Variants in SUSD4 observed in about 807,000 individuals in gnomAD.
SUSD4 encodes the protein sushi domain-containing protein 4.
Under a neutral mutation model 50.5 loss-of-function variants are expected in SUSD4, and 41 were observed. The observed-to-expected ratio is 0.81, with a 90% CI of 0.63 to 1.05. The LOEUF is 1.05. SUSD4 is among the 50% of genes least tolerant of loss of function. The probability of loss-of-function intolerance (pLI) is 0.00; values close to 1 mark genes in which losing one functional copy is unlikely to be tolerated. For synonymous variants in SUSD4, 257 were observed against 257.3 expected, an observed-to-expected ratio of 1.00 and a Z score of 0.01; for missense variants, 580 against 634.7, an observed-to-expected ratio of 0.91 and a Z score of 0.93.
At chr1:223,351,339 A>C (rs1370557619) in intron 2 of SUSD4, among the ~76,000 whole-genome samples, 1 of 152,254 alleles carries the variant, frequency 6.6e-6, no homozygotes, top group African/African-American at 2.4e-5. Flanking sequence ...AAGTGGGAGC[A>C]GGTTTGTCCA....
At chr1:223,286,622 T>C (rs1664158694) in intron 3 of SUSD4, among the ~76,000 whole-genome samples, 1 of 152,172 alleles carries the variant, frequency 6.6e-6, no homozygotes, top group African/African-American at 2.4e-5. Context: ...ACAGAGGCAA[T>C]GGGTTCCACC....
At chr1:223,257,614 C>T (rs1271205258) in intron 5 of SUSD4, among the ~76,000 whole-genome samples, 1 of 152,226 alleles carries the variant, frequency 6.6e-6, no homozygotes, top group Admixed American at 6.5e-5. Flanking sequence ...ATTCTATGAC[C>T]AGTAATTCAA....
In SUSD4 at chr1:223,264,769, C is replaced by G; in HGVS notation, c.585G>C (p.Glu195Asp). The G allele has an allele frequency of 6.2e-7, 1 of 1,614,134 alleles. No homozygotes were observed. Among genetic ancestry groups the G allele is most frequent in the Non-Finnish European group, 8.5e-7 (1 of 1,180,020 alleles). The stretch of plus-strand genomic sequence containing the variant: ...TCCCCACCGGGAAGGAGGTCTGGAG[C>G]TCAGAGATGTTTACATAGCCATTAG... ...ASSNGYVNIS[E>D]LQTSFPVGTV... Residue 195 changes from glutamate to aspartate, a missense_variant, in exon 5 of 9, where the codon GAG becomes GAC. Glu to Asp is a conservative substitution (Grantham distance 45, BLOSUM62 2). Transcript: ENST00000366878.
Position 223,223,276 on chromosome 1 carries a change from T to C in SUSD4, c.1417A>G (p.Thr473Ala). Residue 473 changes from threonine (T) to alanine (A), a missense_variant, in exon 8 of 9, where the codon ACC becomes GCC. Physicochemically the swap from Thr to Ala is moderately conservative, Grantham distance 58. Coordinates refer to ENST00000366878, the MANE Select transcript of SUSD4 (RefSeq NM_017982.4). ...IASTAEEVASTSPGIDIADEI... is the reference protein window; with the variant it reads ...IASTAEEVASASPGIDIADEI... ...TCTGCAATGTCGATGCCTGGGCTGG[T>C]GGATGCCACCTCCTCTGCCGTGCTG... The C allele has an allele frequency of 6.4e-7, 1 of 1,557,326 alleles. No individual in the cohort carries two copies. The highest frequency in any genetic ancestry group is 8.7e-7 in the Non-Finnish European group (1 of 1,154,608).
intron 5 of SUSD4, among the ~76,000 whole-genome samples, chr1:223,259,406 TG>T (rs1661938487): frequency 6.6e-6 from 1 of 152,180 alleles, no homozygotes; most frequent in Non-Finnish European, 1.5e-5. Context: ...TTTAAGTGGA[TG>T]GCAGCTACAA....
chr1:223,353,902 A>G (rs1322223910), intron 2 of SUSD4, among the ~76,000 whole-genome samples: 4 of 151,946 alleles, frequency 2.6e-5, no homozygotes, highest in Non-Finnish European at 1.5e-5. Flanking sequence ...TTGTCCTCCC[A>G]TTGAAGGTTA....
intron 3 of SUSD4, among the ~76,000 whole-genome samples, chr1:223,279,158 A>G (rs1663502543): frequency 6.6e-6 from 1 of 152,236 alleles, no homozygotes; most frequent in Non-Finnish European, 1.5e-5. Flanking sequence ...TCTAAAAATC[A>G]GAGCACCTCT....
At chr1:223,238,137 T>C (rs536785119) in intron 5 of SUSD4, among the ~76,000 whole-genome samples, 20 of 152,170 alleles carry the variant, frequency 1.3e-4, no homozygotes, top group Non-Finnish European at 2.9e-4. Context: ...GAGCATACAG[T>C]TGTTCAGAGC....
chr1:223,292,756 C>A (rs1385234421), intron 2 of SUSD4, 105 bp from the exon 3 acceptor site: 11 of 1,189,652 alleles, frequency 9.2e-6, no homozygotes, highest in Non-Finnish European at 1.3e-5. Context: ...ACGCCTTGGA[C>A]ACTCCAGTTA....
intron 2 of SUSD4, among the ~76,000 whole-genome samples, chr1:223,335,518 C>T (rs1217438126): frequency 6.6e-6 from 1 of 152,186 alleles, no homozygotes; most frequent in East Asian, 1.9e-4. Context: ...CATCCATGAA[C>T]ACAGGGCTTC....
intron 2 of SUSD4, among the ~76,000 whole-genome samples, chr1:223,317,493 G>T (rs879512464): frequency 7.2e-5 from 11 of 152,096 alleles, no homozygotes; most frequent in Non-Finnish European, 1.5e-4. Context: ...TGAGACTCAA[G>T]AACCCTCTTT....
At chr1:223,340,310 C>A (rs1667683691) in intron 2 of SUSD4, among the ~76,000 whole-genome samples, 2 of 152,242 alleles carry the variant, frequency 1.3e-5, no homozygotes, top group South Asian at 4.1e-4. Flanking sequence ...AGAATCCAGG[C>A]ACTGGCCTGT....
intron 2 of SUSD4, among the ~76,000 whole-genome samples, chr1:223,349,868 T>G (rs1169235322): frequency 6.6e-6 from 1 of 152,224 alleles, no homozygotes; most frequent in African/African-American, 2.4e-5. Flanking sequence ...CTGAATTGTA[T>G]CCCTCTAAAT....
intron 5 of SUSD4, among the ~76,000 whole-genome samples, chr1:223,243,734 C>A (rs1660739657): frequency 6.6e-6 from 1 of 152,218 alleles, no homozygotes; most frequent in African/African-American, 2.4e-5. Flanking sequence ...AATCCTATTG[C>A]CCAAAGCACA....
rs1483219525 is a variant in SUSD4 at position 223,263,333 on chromosome 1, A to G, written c.724+1297T>C. Among the ~76,000 whole-genome samples, 3 of 152,352 alleles carry G rather than the reference A, an allele frequency of 2.0e-5. No individual in the cohort carries two copies. The South Asian group carries it at 6.2e-4, about 32-fold the overall frequency. On this transcript the variant is annotated intron_variant, in intron 5 of 8. Coordinates refer to ENST00000366878, the MANE Select transcript of SUSD4 (RefSeq NM_017982.4). ...CAGATTTAGGAAATAAAAATTCAAG[A>G]CACTCAGTTATTAATATATTTGAAT... is the stretch of plus-strand genomic sequence containing the variant.
At chr1:223,261,312 CT>C (rs1193555475) in intron 5 of SUSD4, among the ~76,000 whole-genome samples, 4 of 152,292 alleles carry the variant, frequency 2.6e-5, no homozygotes, top group South Asian at 2.1e-4. Context: ...TGCTTTCCCC[CT>C]GTTAGATTGT....
chr1:223,319,445 A>G (rs1483015683), intron 2 of SUSD4, among the ~76,000 whole-genome samples: 1 of 152,076 alleles, frequency 6.6e-6, no homozygotes, highest in African/African-American at 2.4e-5. Flanking sequence ...AATGAACTCA[A>G]ACAAATTTAC....
intron 2 of SUSD4, among the ~76,000 whole-genome samples, chr1:223,302,205 G>T (rs1484895120): frequency 1.3e-5 from 2 of 152,106 alleles, no homozygotes; most frequent in Non-Finnish European, 2.9e-5. Flanking sequence ...AGTTTCCTGA[G>T]GCCTACCCAG....
intron 5 of SUSD4, among the ~76,000 whole-genome samples, chr1:223,236,837 T>C (rs953433384): frequency 6.6e-6 from 1 of 152,114 alleles, no homozygotes; most frequent in African/African-American, 2.4e-5. Context: ...TATTCTCAGT[T>C]TTTTGCTTCC....
Sources: gnomAD v4.1 joint callset for allele counts (sites outside exome capture counted in the v4.1 genomes callset) on GRCh38, gnomAD v4.1.1 for gene constraint, MANE v1.5 for transcripts, NCBI Gene and HGNC (gene_info 2026-07-23, HGNC 2026-07-21) for gene names.